PRKCE: variants seen among roughly 807,000 people sequenced by gnomAD.
PRKCE encodes the protein protein kinase C epsilon type.
PRKCE carries 16 observed loss-of-function variants against 85.4 expected under a neutral mutation model. That is an observed-to-expected ratio of 0.19 (90% CI 0.13 to 0.28). The LOEUF is 0.28. PRKCE is among the 10% of genes least tolerant of loss of function. The pLI is 1.00. For missense variants in PRKCE, 573 were observed against 975.2 expected (o/e 0.59, Z 5.49); for synonymous variants, 388 against 371.5 (o/e 1.04, Z -0.51).
At chr2:46,125,531 G>T (rs1673766124) in intron 11 of PRKCE, among the ~76,000 whole-genome samples, 1 of 152,162 alleles carries the variant, frequency 6.6e-6, no homozygotes, top group Admixed American at 6.5e-5. Flanking sequence ...GGGGGAGGAT[G>T]GTCGGTTTCC....
intron 11 of PRKCE, among the ~76,000 whole-genome samples, chr2:46,126,659 TC>T (rs1355367092): frequency 5.3e-5 from 8 of 152,342 alleles, no homozygotes; most frequent in African/African-American, 1.9e-4. Flanking sequence ...TGGTGGTAAT[TC>T]TTTTTTAGCT....
At chr2:45,828,751 T>C (rs1374199304) in intron 1 of PRKCE, among the ~76,000 whole-genome samples, 1 of 152,150 alleles carries the variant, frequency 6.6e-6, no homozygotes, top group African/African-American at 2.4e-5. Context: ...AACTACATAA[T>C]GTTCTTAAAG....
intron 10 of PRKCE, among the ~76,000 whole-genome samples, chr2:46,018,548 A>C (rs1335612625): frequency 6.6e-6 from 1 of 152,210 alleles, no homozygotes; most frequent in Non-Finnish European, 1.5e-5. Context: ...TTTCCTTCAG[A>C]AACTGTTGGC....
At chr2:45,852,458 T>C (rs143925383) in intron 2 of PRKCE, among the ~76,000 whole-genome samples, 1 of 152,342 alleles carries the variant, frequency 6.6e-6, no homozygotes, top group African/African-American at 2.4e-5. Flanking sequence ...ATTCAACAGA[T>C]GTAAACTGAG....
intron 2 of PRKCE, among the ~76,000 whole-genome samples, chr2:45,948,284 T>C (rs973981255): frequency 5.3e-5 from 8 of 152,170 alleles, no homozygotes; most frequent in African/African-American, 1.7e-4. Flanking sequence ...ATTTCCAATA[T>C]AGATGAAAAA....
chr2:46,051,605 T>G (rs1708863402), intron 10 of PRKCE, among the ~76,000 whole-genome samples: 1 of 152,196 alleles, frequency 6.6e-6, no homozygotes, highest in Admixed American at 6.5e-5. Context: ...ATCTCAGTTG[T>G]TCATGGGCCA....
intron 11 of PRKCE, among the ~76,000 whole-genome samples, chr2:46,129,374 G>A (rs1303448649): frequency 6.6e-6 from 1 of 152,200 alleles, no homozygotes; most frequent in Non-Finnish European, 1.5e-5. Flanking sequence ...GCATGGACCA[G>A]AGTTAATCTC....
At chr2:46,102,557 C>G (rs529824470) in intron 11 of PRKCE, among the ~76,000 whole-genome samples, 53 of 152,258 alleles carry the variant, frequency 3.5e-4, no homozygotes, top group African/African-American at 1.1e-3. Flanking sequence ...TAAGTTTTTA[C>G]CTAATGCCTT....
At chr2:45,777,805 G>A (rs1685868086) in intron 1 of PRKCE, among the ~76,000 whole-genome samples, 1 of 152,100 alleles carries the variant, frequency 6.6e-6, no homozygotes, top group Non-Finnish European at 1.5e-5. Flanking sequence ...TTGGTTTGCA[G>A]TATTTCTACT....
At chr2:45,953,159 T>TGGTCCAGGC (rs1700738514) in intron 2 of PRKCE, among the ~76,000 whole-genome samples, 1 of 152,196 alleles carries the variant, frequency 6.6e-6, no homozygotes, top group South Asian at 2.1e-4. Context: ...CATGGCCAGG[T>TGGTCCAGGC]GGTCCAGGCA....
intron 2 of PRKCE, among the ~76,000 whole-genome samples, chr2:45,946,555 G>A (rs951161179): frequency 1.3e-4 from 20 of 152,322 alleles, no homozygotes; most frequent in Non-Finnish European, 2.5e-4. Context: ...CAACGATGGT[G>A]AGAATCCCCC....
At chr2:45,957,646 T>C (rs1472090508) in intron 2 of PRKCE, among the ~76,000 whole-genome samples, 3 of 151,898 alleles carry the variant, frequency 2.0e-5, no homozygotes, top group African/African-American at 7.3e-5. Flanking sequence ...TGGTGGCTCA[T>C]GCCTGGAATT....
chr2:45,743,679 G>C (rs1191672646), intron 1 of PRKCE, among the ~76,000 whole-genome samples: 1 of 152,176 alleles, frequency 6.6e-6, no homozygotes, highest in Admixed American at 6.5e-5. Flanking sequence ...TGTGGGCGTG[G>C]GTATCTTTTC....
intron 1 of PRKCE, among the ~76,000 whole-genome samples, chr2:45,760,233 C>T (rs189344055): frequency 7.0e-4 from 106 of 152,232 alleles, no homozygotes; most frequent in Non-Finnish European, 7.5e-4. Context: ...TGCAAACCAC[C>T]TTATCCAATA....
chr2:46,172,095 G>A (rs2104662716), intron 14 of PRKCE, among the ~76,000 whole-genome samples: 1 of 152,378 alleles, frequency 6.6e-6, no homozygotes, highest in South Asian at 2.1e-4. Flanking sequence ...TGGAGGGCCA[G>A]TGGGCTCAAC....
intron 1 of PRKCE, among the ~76,000 whole-genome samples, chr2:45,734,095 G>A (rs562344605): frequency 9.2e-5 from 14 of 152,146 alleles, no homozygotes; most frequent in South Asian, 4.1e-4. Context: ...GGCTGGGTGC[G>A]GTGGCTCACG....
intron 1 of PRKCE, among the ~76,000 whole-genome samples, chr2:45,796,284 GCT>G (rs1050495491): frequency 2.0e-5 from 3 of 152,070 alleles, no homozygotes; most frequent in African/African-American, 7.2e-5. Flanking sequence ...TCAAACCCCA[GCT>G]CTCTCACTAG....
chr2:46,184,698 C>G lies in PRKCE; in HGVS notation c.2068-37C>G. Reference sequence around the variant, plus strand: ...CATGGGGGGCCCTCAGGAGGGAGAGCAGCCTCAACTCACCACTTTCTCTTT... The same window carrying G: ...CATGGGGGGCCCTCAGGAGGGAGAGGAGCCTCAACTCACCACTTTCTCTTT... On this transcript the variant is annotated intron_variant, in intron 14 of 14. Coordinates refer to ENST00000306156, the MANE Select transcript of PRKCE (RefSeq NM_005400.3). The surrounding 1 kb of genome is among the most constrained non-coding windows in gnomAD (Gnocchi z 5.0). 1 of 1,592,796 alleles carries G rather than the reference C, an allele frequency of 6.3e-7. No homozygotes were observed. Among genetic ancestry groups the G allele is most frequent in the Non-Finnish European group, 8.5e-7 (1 of 1,176,526 alleles).
At chr2:45,943,113 C>A (rs1427041151) in intron 2 of PRKCE, among the ~76,000 whole-genome samples, 4 of 152,030 alleles carry the variant, frequency 2.6e-5, no homozygotes, top group African/African-American at 9.7e-5. Flanking sequence ...TATCTCGGCG[C>A]TAGGATTCAG....
Sources: gnomAD v4.1 joint callset for allele counts (sites outside exome capture counted in the v4.1 genomes callset) on GRCh38, gnomAD v4.1.1 for gene constraint, Gnocchi (gnomAD v3.1) non-coding constraint, MANE v1.5 for transcripts, NCBI Gene and HGNC (gene_info 2026-07-23, HGNC 2026-07-21) for gene names.